The following CRTAC1 variants were observed in gnomAD, a reference collection of about 807,000 sequenced individuals.
CRTAC1 encodes cartilage acidic protein 1, also known as acidic secreted protein in cartilage.
A neutral mutation model predicts 67.8 loss-of-function variants in CRTAC1; 37 were observed. That is an observed-to-expected ratio of 0.55 (90% CI 0.42 to 0.72). The LOEUF (loss-of-function observed/expected upper bound fraction) is 0.72. Ranked by LOEUF, CRTAC1 falls within the 30% of genes least tolerant of loss-of-function variation. The pLI is 0.00. For missense variants in CRTAC1, 780 were observed against 931.6 expected, an observed-to-expected ratio of 0.84 and a Z score of 2.12; for synonymous variants, 348 against 371.0, an observed-to-expected ratio of 0.94 and a Z score of 0.71.
intron 4 of CRTAC1, among the ~76,000 whole-genome samples, chr10:97,920,322 G>A (rs1245211677): frequency 2.0e-5 from 3 of 152,278 alleles, no homozygotes; most frequent in South Asian, 2.1e-4. Context: ...ACTGACAAAC[G>A]CAGATGTGTT....
rs763042389 is a variant in CRTAC1, at chr10:97,917,616, T to A, written c.599A>T (p.Tyr200Phe). 2.5e-5 allele frequency: 40 copies of A among 1,598,088 alleles called. No individual in the cohort carries two copies. Among genetic ancestry groups the A allele is most frequent in the Admixed American group, 3.4e-5 (2 of 58,862 alleles). ...RYSIYIANYA[Y>F]GNVGPDALIE... ...GAGGGCATCAGGGCCCACATTACCG[T>A]AGGCGTAATTGGCAATGTAGATAGA... The change falls in exon 5 of 15, where the codon TAC becomes TTC. Residue 200 changes from tyrosine to phenylalanine, a missense_variant. Transcript: ENST00000370597.
At chr10:97,929,872 A>G (rs149016586) in intron 3 of CRTAC1, among the ~76,000 whole-genome samples, 72 of 152,350 alleles carry the variant, frequency 4.7e-4, no homozygotes, top group Admixed American at 1.3e-3. Flanking sequence ...AGGCTTTATA[A>G]GACTTCGTCA....
chr10:97,981,359 A>C (rs2051888212), intron 2 of CRTAC1, among the ~76,000 whole-genome samples: 1 of 152,224 alleles, frequency 6.6e-6, no homozygotes, highest in South Asian at 2.1e-4. Flanking sequence ...GTGAATATTT[A>C]AATGTTTTGC....
chr10:97,961,146 C>A (rs2051519122), intron 2 of CRTAC1, among the ~76,000 whole-genome samples: 1 of 152,122 alleles, frequency 6.6e-6, no homozygotes, highest in African/African-American at 2.4e-5. Context: ...TGAGCCTCAC[C>A]TGCCTTAGGC....
intron 2 of CRTAC1, among the ~76,000 whole-genome samples, chr10:97,945,581 G>A (rs957889075): frequency 6.6e-6 from 1 of 152,186 alleles, no homozygotes; most frequent in Non-Finnish European, 1.5e-5. Context: ...TAGTTTAAAG[G>A]AATAGAGACT....
chr10:97,966,189 AT>A (rs1417909473), intron 2 of CRTAC1, among the ~76,000 whole-genome samples: 15 of 152,234 alleles, frequency 9.9e-5, no homozygotes, highest in African/African-American at 3.6e-4. Context: ...AGCAATTCTC[AT>A]GCCTCAGCCT....
At chr10:97,960,099 G>A (rs2051503064) in intron 2 of CRTAC1, among the ~76,000 whole-genome samples, 1 of 152,230 alleles carries the variant, frequency 6.6e-6, no homozygotes. Context: ...TGAGCCCCTG[G>A]CATCAGTTCT....
intron 2 of CRTAC1, among the ~76,000 whole-genome samples, chr10:97,948,296 G>A (rs1283113838): frequency 6.6e-6 from 1 of 152,186 alleles, no homozygotes; most frequent in Non-Finnish European, 1.5e-5. Flanking sequence ...ACTGGAAAAA[G>A]CAAGTGTATT....
At chr10:97,990,612 G>A (rs1193782353) in intron 2 of CRTAC1, among the ~76,000 whole-genome samples, 1 of 152,222 alleles carries the variant, frequency 6.6e-6, no homozygotes, top group Admixed American at 6.5e-5. Context: ...TTTGGTTGGA[G>A]GAAGTTGAAG....
chr10:98,003,358 C>T (rs1842728757), intron 2 of CRTAC1, among the ~76,000 whole-genome samples: 1 of 152,166 alleles, frequency 6.6e-6, no homozygotes, highest in African/African-American at 2.4e-5. Flanking sequence ...AGAAGTCCAG[C>T]ATTGGTCCTG....
intron 3 of CRTAC1, among the ~76,000 whole-genome samples, chr10:97,928,964 G>T (rs1360830398): frequency 6.6e-6 from 1 of 152,108 alleles, no homozygotes; most frequent in South Asian, 2.1e-4. Context: ...GTGGAGTGAA[G>T]GGTGAATGCG....
intron 5 of CRTAC1, among the ~76,000 whole-genome samples, chr10:97,910,866 C>T (rs1009925473): frequency 6.6e-6 from 1 of 152,220 alleles, no homozygotes; most frequent in Non-Finnish European, 1.5e-5. Flanking sequence ...CCAGATTCCT[C>T]CCAGATAATC....
chr10:97,903,873 G>A (rs1224420375), intron 7 of CRTAC1, among the ~76,000 whole-genome samples: 2 of 152,104 alleles, frequency 1.3e-5, no homozygotes, highest in Non-Finnish European at 1.5e-5. Context: ...GGGCTCTGAG[G>A]CCACCTTGCC....
In CRTAC1 at chr10:98,030,462, C is replaced by A. The variant is rs1162137735; in HGVS notation, c.11G>T (p.Ser4Ile). The change falls in exon 1 of 15, where the codon AGC becomes ATC. Residue 4 changes from serine to isoleucine, a missense_variant. By Grantham distance (142) the Ser-to-Ile change is moderately radical. Coordinates refer to ENST00000370597, the MANE Select transcript of CRTAC1 (RefSeq NM_018058.7). This position sits in a 1 kb window ranked among gnomAD's most constrained non-coding sequence, Gnocchi z 4.2. MAP[S>I]ADPGMSRMLP... is the part of the protein sequence containing the mutation. ...GCAGATACTCACGCCGGGGTCAGCG[C>A]TCGGAGCCATCCTCCCGCTCTCGGC... The A allele has an allele frequency of 8.0e-7, 1 of 1,249,928 alleles. No individual in the cohort carries two copies. Among genetic ancestry groups the A allele is most frequent in the African/African-American group, 1.5e-5 (1 of 64,632 alleles). 77.4% of individuals were successfully genotyped at this position (1,249,928 alleles called of 1,614,324 possible).
intron 11 of CRTAC1, among the ~76,000 whole-genome samples, chr10:97,893,553 C>T (rs533668480): frequency 3.9e-5 from 6 of 152,314 alleles, no homozygotes; most frequent in Admixed American, 6.5e-5. Context: ...TCCCCCCATA[C>T]ATTTATTTTA....
chr10:98,005,654 T>G (rs185003199), intron 2 of CRTAC1, among the ~76,000 whole-genome samples: 70 of 151,024 alleles, frequency 4.6e-4, no homozygotes, highest in Non-Finnish European at 8.0e-4. Flanking sequence ...TTACCATATC[T>G]ATCTATAAAT....
intron 14 of CRTAC1, among the ~76,000 whole-genome samples, chr10:97,871,999 C>G (rs1045595115): frequency 6.6e-6 from 1 of 152,236 alleles, no homozygotes; most frequent in African/African-American, 2.4e-5. Context: ...ATGTTACACA[C>G]AAGCTTACAC....
At chr10:97,968,093 G>T (rs528803967) in intron 2 of CRTAC1, among the ~76,000 whole-genome samples, 16 of 152,294 alleles carry the variant, frequency 1.1e-4, no homozygotes, top group African/African-American at 3.4e-4. Flanking sequence ...GCTCAAAAAG[G>T]TTTTAAATTC....
chr10:98,028,347 C>G (rs1843282906), intron 1 of CRTAC1, among the ~76,000 whole-genome samples: 1 of 152,220 alleles, frequency 6.6e-6, no homozygotes, highest in African/African-American at 2.4e-5. Context: ...TGGTCCTGAG[C>G]CAGGTACCTT....
Sources: gnomAD v4.1 joint callset for allele counts (sites outside exome capture counted in the v4.1 genomes callset) on GRCh38, gnomAD v4.1.1 for gene constraint, Gnocchi (gnomAD v3.1) non-coding constraint, MANE v1.5 for transcripts, NCBI Gene and HGNC (gene_info 2026-07-23, HGNC 2026-07-21) for gene names.